The following NUP98 variants were observed in gnomAD, a reference collection of about 807,000 sequenced individuals.
NUP98 encodes the protein nuclear pore complex protein Nup98-Nup96.
A neutral mutation model predicts 191.9 loss-of-function variants in NUP98; 26 were observed. The ratio of observed to expected loss-of-function variants is 0.14; its 90% CI spans 0.10 to 0.19. NUP98 has a LOEUF of 0.19. Among genes scored for constraint, NUP98 ranks in the 10% least tolerant of loss-of-function variants. The probability of loss-of-function intolerance (pLI) is 1.00; values close to 1 mark genes in which losing one functional copy is unlikely to be tolerated. For synonymous variants in NUP98, 808 were observed against 778.4 expected, an observed-to-expected ratio of 1.04 and a Z score of -0.63; for missense variants, 1,941 against 2,178.8, an observed-to-expected ratio of 0.89 and a Z score of 2.17.
chr11:3,736,113 T>C (rs939117723), intron 12 of NUP98, among the ~76,000 whole-genome samples: 1 of 151,064 alleles, frequency 6.6e-6, no homozygotes, highest in African/African-American at 2.4e-5. Flanking sequence ...GTTTTTTTTT[T>C]CAGAGATGGG....
rs937702484 is a variant in NUP98 at position 3,753,420 on chromosome 11, A to G, written c.1175-12T>C. The G allele has an allele frequency of 6.3e-7, 1 of 1,596,816 alleles. No individual in the cohort carries two copies. The highest frequency in any genetic ancestry group is 1.3e-5 in the African/African-American group (1 of 74,516). ...ATTTGTGCCAAAACCTAGGAAGACA[A>G]AAGAATGAGTGGATTGTACTTTTAA... On this transcript the variant is annotated splice_polypyrimidine_tract_variant and intron_variant, in intron 10 of 32. Transcript: ENST00000324932.
At chr11:3,703,798 C>T (rs117950243) in intron 22 of NUP98, among the ~76,000 whole-genome samples, 1 of 152,242 alleles carries the variant, frequency 6.6e-6, no homozygotes, top group East Asian at 1.9e-4. Context: ...GTACATGTGA[C>T]CTTCTGAAGG....
intron 16 of NUP98, among the ~76,000 whole-genome samples, chr11:3,721,556 G>A (rs531480918): frequency 6.6e-6 from 1 of 151,910 alleles, no homozygotes; most frequent in East Asian, 1.9e-4. Flanking sequence ...AAAATTAGCT[G>A]GGCATGGTGG....
intron 27 of NUP98, 182 bp downstream of exon 27, chr11:3,693,050 G>T: frequency 1.7e-6 from 1 of 587,154 alleles, no homozygotes; most frequent in Non-Finnish European, 2.9e-6. Context: ...AAACAGCAGT[G>T]AGAAAGTCAA....
chr11:3,776,021 T>A lies in NUP98; in HGVS notation c.356A>T (p.Asn119Ile). 6.3e-7 allele frequency: 1 copy of A among 1,596,702 alleles called. No individual in the cohort carries two copies. Among genetic ancestry groups the A allele is most frequent in the Non-Finnish European group, 8.5e-7 (1 of 1,174,594 alleles). The change falls in exon 5 of 33, where the codon AAT becomes ATT. Residue 119 changes from asparagine to isoleucine, a missense_variant and splice_region_variant. Asn to Ile is a moderately radical substitution (Grantham distance 149). This residue lies in a region of NUP98 where 154 missense variants were observed against 182.9 expected (regional missense o/e 0.84). Transcript: ENST00000324932. ...TCCACTGCTAGTACTGGTTCCAAAA[T>A]CTAAAAATAAGAAAGAAAAATGAGA... ...FAQNKPTGFG[N>I]FGTSTSSGGL...
intron 26 of NUP98, among the ~76,000 whole-genome samples, chr11:3,694,478 C>G (rs2078435730): frequency 6.6e-6 from 1 of 151,026 alleles, no homozygotes; most frequent in South Asian, 2.1e-4. Flanking sequence ...CGGTGGCTCA[C>G]GCTTGTAATC....
intron 12 of NUP98, among the ~76,000 whole-genome samples, chr11:3,735,748 A>AGTGT (rs71041385): frequency 0.025 from 3,549 of 140,876 alleles, 64 homozygotes; most frequent in East Asian, 0.077. Flanking sequence ...CAGGGCAAGT[A>AGTGT]GTGTGTGTGT....
intron 13 of NUP98, among the ~76,000 whole-genome samples, chr11:3,734,291 C>G (rs2079962787): frequency 6.6e-6 from 1 of 152,150 alleles, no homozygotes; most frequent in African/African-American, 2.4e-5. Flanking sequence ...CCTCGGACTC[C>G]CAGAGTGCTA....
intron 26 of NUP98, among the ~76,000 whole-genome samples, 189 bp from the exon 27 acceptor site, chr11:3,693,564 T>C (rs1022500213): frequency 4.6e-5 from 7 of 152,354 alleles, no homozygotes; most frequent in African/African-American, 1.7e-4. Context: ...ATTGACCAAC[T>C]GATTGATCGA....
Position 3,735,289 on chromosome 11 carries a change from C to A in NUP98, c.1444G>T (p.Ala482Ser). 12 of 1,570,374 alleles carry A rather than the reference C, an allele frequency of 7.6e-6. No individual in the cohort carries two copies. Among genetic ancestry groups the A allele is most frequent in the Non-Finnish European group, 1.0e-5 (12 of 1,156,020 alleles). Residue 482 changes from alanine (A) to serine (S), a missense_variant, in exon 13 of 33, where the codon GCT (alanine) becomes TCT (serine). Transcript: ENST00000324932. ...CTATTGATGTGCTGCTGGAGAACAG[C>A]CTGCTGGGCAGCAGAAGCATTTGGA... ...TDPNASAAQQAVLQQHINSLT... is the reference protein window; with the variant it reads ...TDPNASAAQQSVLQQHINSLT...
intron 22 of NUP98, 48 bp downstream of exon 22, chr11:3,705,152 T>C: frequency 6.3e-7 from 1 of 1,586,656 alleles, no homozygotes; most frequent in East Asian, 2.2e-5. Flanking sequence ...AAAGCAGGAC[T>C]TGATGACTGT....
intron 8 of NUP98, among the ~76,000 whole-genome samples, chr11:3,764,814 G>A (rs560042948): frequency 1.2e-4 from 18 of 152,188 alleles, no homozygotes; most frequent in African/African-American, 2.7e-4. Flanking sequence ...TCCTGACCTC[G>A]TGATCTGCCT....
chr11:3,694,007 G>C (rs2078410198), intron 26 of NUP98, among the ~76,000 whole-genome samples: 1 of 150,376 alleles, frequency 6.6e-6, no homozygotes, highest in African/African-American at 2.5e-5. Flanking sequence ...GAGGTGGTCG[G>C]ATTACCTGAG....
At chr11:3,751,176 T>A (rs2080736050) in intron 11 of NUP98, among the ~76,000 whole-genome samples, 1 of 151,840 alleles carries the variant, frequency 6.6e-6, no homozygotes, top group Admixed American at 6.6e-5. Flanking sequence ...CTGACCAACA[T>A]GGAGAAACCC....
intron 7 of NUP98, among the ~76,000 whole-genome samples, 182 bp from the exon 8 acceptor site, chr11:3,768,926 A>C (rs1589925260): frequency 1.3e-5 from 2 of 152,268 alleles, no homozygotes; most frequent in East Asian, 3.9e-4. Flanking sequence ...TTTAAACTTT[A>C]ACTTCTGTAA....
At chr11:3,741,778 T>G (rs2080294400) in intron 12 of NUP98, among the ~76,000 whole-genome samples, 1 of 152,134 alleles carries the variant, frequency 6.6e-6, no homozygotes, top group African/African-American at 2.4e-5. Context: ...CTTTTGAGGA[T>G]AGAGGGCACA....
In NUP98 at chr11:3,713,976, C is replaced by T. The variant is rs2079097505; in HGVS notation, c.2419G>A (p.Asp807Asn). The change falls in exon 19 of 33, where the codon GAT becomes AAT. Residue 807 changes from aspartate (D) to asparagine (N), a missense_variant. Asp to Asn is a conservative substitution (Grantham distance 23). This residue lies in a region of NUP98 where 95 missense variants were observed against 139.7 expected (regional missense o/e 0.68). Coordinates refer to ENST00000324932, the MANE Select transcript of NUP98 (RefSeq NM_016320.5). The part of the protein sequence containing the change: ...GLNRKAEVTL[D>N]GVWPTDKTSR... ...GTTTTATCTGTTGGCCAAACTCCAT[C>T]CAATGTAACTTCAGCCTTCCTGTAA... 1 of 1,614,036 alleles carries T rather than the reference C, an allele frequency of 6.2e-7. No individual in the cohort carries two copies. Among genetic ancestry groups the T allele is most frequent in the East Asian group, 2.2e-5 (1 of 44,876 alleles).
At chr11:3,742,898 A>T (rs191770407) in intron 12 of NUP98, among the ~76,000 whole-genome samples, 4 of 152,248 alleles carry the variant, frequency 2.6e-5, no homozygotes, top group Non-Finnish European at 5.9e-5. Flanking sequence ...ATAGTATGGG[A>T]GATTAATTTA....
chr11:3,740,074 G>C (rs998047904), intron 12 of NUP98, among the ~76,000 whole-genome samples: 15 of 152,302 alleles, frequency 9.8e-5, no homozygotes, highest in East Asian at 3.9e-4. Flanking sequence ...GTGGGGGTCA[G>C]CACCCCTAAC....
Sources: gnomAD v4.1 joint callset for allele counts (sites outside exome capture counted in the v4.1 genomes callset) on GRCh38, gnomAD v4.1.1 for gene constraint, gnomAD v4.1.1 regional missense constraint, MANE v1.5 for transcripts, NCBI Gene and HGNC (gene_info 2026-07-23, HGNC 2026-07-21) for gene names.